The following MYT1 variants were observed in gnomAD, a reference collection of about 807,000 sequenced individuals.
MYT1 encodes the protein myelin transcription factor I.
MYT1 carries 23 observed loss-of-function variants against 123.0 expected under a neutral mutation model. That is an observed-to-expected ratio of 0.19 (90% confidence interval 0.13 to 0.26). The LOEUF (loss-of-function observed/expected upper bound fraction) is 0.26. Among genes scored for constraint, MYT1 ranks in the 10% least tolerant of loss-of-function variants. The pLI is 1.00. For missense variants in MYT1, 1,125 were observed against 1,472.5 expected, an observed-to-expected ratio of 0.76 and a Z score of 3.86; for synonymous variants, 518 against 575.3, an observed-to-expected ratio of 0.90 and a Z score of 1.43.
intron 17 of MYT1, 68 bp downstream of exon 17, chr20:64,227,545 A>AT: frequency 7.2e-7 from 1 of 1,386,938 alleles, no homozygotes; most frequent in Non-Finnish European, 1.0e-6. Flanking sequence ...TTATATGAAG[A>AT]TTAGAAGACA....
chr20:64,171,077 T>C (rs1982264069), intron 1 of MYT1, among the ~76,000 whole-genome samples: 1 of 40,768 alleles, frequency 2.5e-5, no homozygotes, highest in African/African-American at 1.1e-4. Context: ...GTCTGGCTAA[T>C]TTTTGTATTT....
At chr20:64,204,825 A>T (rs1451659307) in intron 4 of MYT1, among the ~76,000 whole-genome samples, 1 of 152,212 alleles carries the variant, frequency 6.6e-6, no homozygotes, top group Non-Finnish European at 1.5e-5. Context: ...GCTCTTATGT[A>T]TACACAGTCT....
intron 1 of MYT1, among the ~76,000 whole-genome samples, chr20:64,184,305 C>A (rs796830448): frequency 6.6e-6 from 1 of 151,638 alleles, no homozygotes; most frequent in African/African-American, 2.4e-5. Context: ...TGATCCAGTG[C>A]GAGCTAATTT....
intron 1 of MYT1, among the ~76,000 whole-genome samples, chr20:64,184,240 C>T (rs547592744): frequency 5.3e-5 from 8 of 151,962 alleles, no homozygotes; most frequent in African/African-American, 1.4e-4. Flanking sequence ...AACCCAGAGT[C>T]GGAAAGATTT....
rs1178882177 is a variant in MYT1 at position 64,193,413 on chromosome 20, G to A, written c.-1+3253G>A. Among the ~76,000 whole-genome samples, 2 of 152,184 alleles carry A rather than the reference G, an allele frequency of 1.3e-5. No individual in the cohort carries two copies. The highest frequency in any genetic ancestry group is 2.4e-5 in the African/African-American group (1 of 41,440). ...TACTCGGGAGGGGAGCAACACAAAT[G>A]CTTGAATGCTGCTCTTAGATCGTTG... On this transcript the variant is annotated intron_variant, in intron 2 of 22. Coordinates refer to ENST00000328439, the MANE Select transcript of MYT1 (RefSeq NM_004535.3). This position sits in a 1 kb window ranked among gnomAD's most constrained non-coding sequence, Gnocchi z 4.0.
chr20:64,201,884 CTGTCGGGAACCCCCGTG>C (rs1337235351), intron 4 of MYT1, among the ~76,000 whole-genome samples: 30 of 140,522 alleles, frequency 2.1e-4, no homozygotes, highest in South Asian at 4.7e-4. Context: ...ACAGAGTCAC[CTGTCGGGAACCCCCGTG>C]TGTCGGGAAC....
At chr20:64,229,349 G>A (rs533977078) in intron 18 of MYT1, among the ~76,000 whole-genome samples, 1 of 152,126 alleles carries the variant, frequency 6.6e-6, no homozygotes, top group East Asian at 1.9e-4. Flanking sequence ...TAAGTGAATC[G>A]TGCTGCATTT....
chr20:64,194,690 A>T (rs1317766516), intron 2 of MYT1, among the ~76,000 whole-genome samples: 1 of 152,190 alleles, frequency 6.6e-6, no homozygotes, highest in Non-Finnish European at 1.5e-5. Context: ...TCCGTGAGTG[A>T]GTGAGGAGAA....
intron 1 of MYT1, among the ~76,000 whole-genome samples, chr20:64,180,714 C>T (rs376689448): frequency 7.2e-5 from 11 of 152,366 alleles, no homozygotes; most frequent in Middle Eastern, 3.4e-3. Flanking sequence ...TGGACCTTTT[C>T]GGACACTTGT....
chr20:64,230,784 A>G (rs1984297487), intron 18 of MYT1, among the ~76,000 whole-genome samples: 1 of 152,192 alleles, frequency 6.6e-6, no homozygotes, highest in Non-Finnish European at 1.5e-5. Context: ...GGAATGTCCT[A>G]AAAGTTTCTG....
In MYT1 at chr20:64,205,101, A is replaced by C. The variant is rs200531229; in HGVS notation, c.149+4A>C. 19 of 1,613,882 alleles carry C rather than the reference A, an allele frequency of 1.2e-5. No homozygotes were observed. The highest frequency in any genetic ancestry group is 1.5e-5 in the Non-Finnish European group (18 of 1,180,006). ...GCAAGTACTCCAGGCACCGAAGGTA[A>C]GAGGACCCTTGGATCTCACGGAGAT... On this transcript the variant is annotated splice_donor_region_variant and intron_variant, in intron 5 of 22. Coordinates refer to ENST00000328439, the MANE Select transcript of MYT1 (RefSeq NM_004535.3).
In MYT1 at chr20:64,168,527, C is replaced by G. The variant is rs1243489078; in HGVS notation, c.-99+3788C>G. On this transcript the variant is annotated intron_variant, in intron 1 of 22. Transcript: ENST00000328439. The surrounding 1 kb of genome is among the most constrained non-coding windows in gnomAD (Gnocchi z 6.1). ...CATCTGCCTTGGCCAGGATTGGAGT[C>G]CAGGCCTTGCAGAGGAGAGAGGATG... Among the ~76,000 whole-genome samples the G allele has an allele frequency of 6.6e-6, 1 of 152,198 alleles. No individual in the cohort carries two copies. Among genetic ancestry groups the G allele is most frequent in the Non-Finnish European group, 1.5e-5 (1 of 68,040 alleles).
rs764223841 is a variant in MYT1 at position 64,236,623 on chromosome 20, G to A, written c.2966G>A (p.Ser989Asn). ...AAACTGTCAGGGGATGAGGTCCTCA[G>A]TCCAAAGTTCAAGACTAGCGACGGT... ...KGKLSGDEVL[S>N]PKFKTSDVLE... is the part of the protein sequence containing the mutation. The change falls in exon 20 of 23, where the codon AGT becomes AAT. Residue 989 changes from serine (S) to asparagine (N), a missense_variant. Ser to Asn is a conservative substitution (Grantham distance 46). This residue lies in a region of MYT1 where 243 missense variants were observed against 323.1 expected (regional missense o/e 0.75). Coordinates refer to ENST00000328439, the MANE Select transcript of MYT1 (RefSeq NM_004535.3). 2 of 1,613,746 alleles carry A rather than the reference G, an allele frequency of 1.2e-6. No individual in the cohort carries two copies. Among genetic ancestry groups the A allele is most frequent in the Admixed American group, 3.3e-5 (2 of 60,004 alleles).
rs1983896812 is a variant in MYT1 at position 64,218,185 on chromosome 20, G to A, written c.1847-726G>A. On this transcript the variant is annotated intron_variant, in intron 11 of 22. Coordinates refer to ENST00000328439, the MANE Select transcript of MYT1 (RefSeq NM_004535.3). This position sits in a 1 kb window ranked among gnomAD's most constrained non-coding sequence, Gnocchi z 4.0. ...GGCACACATGCCTACTTGGATGAGG[G>A]AATGCAATGGTGCCAGTGGAGAGGG... is the stretch of plus-strand genomic sequence containing the variant. Among the ~76,000 whole-genome samples the A allele has an allele frequency of 6.6e-6, 1 of 152,224 alleles. No homozygotes were observed. The highest frequency in any genetic ancestry group is 2.1e-4 in the South Asian group (1 of 4,822).
At chr20:64,210,650 G>A (rs556131979) in intron 7 of MYT1, among the ~76,000 whole-genome samples, 1 of 152,216 alleles carries the variant, frequency 6.6e-6, no homozygotes, top group Non-Finnish European at 1.5e-5. Context: ...GCTCTGCTCT[G>A]AGGGTCCTCC....
chr20:64,194,800 A>G (rs562720582), intron 2 of MYT1, among the ~76,000 whole-genome samples: 2 of 152,182 alleles, frequency 1.3e-5, no homozygotes, highest in East Asian at 3.9e-4. Flanking sequence ...TTCATGGAAA[A>G]TCTCCAACCC....
In MYT1 at chr20:64,203,160, CG is replaced by C. The variant is rs879889317; in HGVS notation, c.87-1873del. ...GTCTCACACCCTCTGAGGCTGGGGC[CG>C]GAAGGTGCAGGCCCACCTTCCTGGG... On this transcript the variant is annotated intron_variant, in intron 4 of 22. Transcript: ENST00000328439. This position sits in a 1 kb window ranked among gnomAD's most constrained non-coding sequence, Gnocchi z 5.1. 6.6e-6 allele frequency among the ~76,000 whole-genome samples: 1 copy of C among 152,160 alleles called. No homozygotes were observed. Among genetic ancestry groups the C allele is most frequent in the Non-Finnish European group, 1.5e-5 (1 of 68,014 alleles).
chr20:64,181,625 T>C (rs901244189), intron 1 of MYT1, among the ~76,000 whole-genome samples: 1 of 152,216 alleles, frequency 6.6e-6, no homozygotes, highest in Non-Finnish European at 1.5e-5. Flanking sequence ...GGTTTGTCCT[T>C]GTTCCTGCTC....
intron 4 of MYT1, among the ~76,000 whole-genome samples, chr20:64,204,647 A>C (rs1036651972): frequency 5.3e-5 from 8 of 152,196 alleles, no homozygotes; most frequent in African/African-American, 1.7e-4. Context: ...AGTGATGGCC[A>C]CAGAGAATGC....
Sources: gnomAD v4.1 joint callset for allele counts (sites outside exome capture counted in the v4.1 genomes callset) on GRCh38, gnomAD v4.1.1 for gene constraint, gnomAD v4.1.1 regional missense constraint, Gnocchi (gnomAD v3.1) non-coding constraint, MANE v1.5 for transcripts, NCBI Gene and HGNC (gene_info 2026-07-23, HGNC 2026-07-21) for gene names.